Variants in PAM observed in about 807,000 individuals in gnomAD.
The protein encoded by PAM is peptidylglycine alpha-amidating monooxygenase, also known as peptidyl-glycine alpha-amidating monooxygenase.
A neutral mutation model predicts 122.1 loss-of-function variants in PAM; 72 were observed. That is an observed-to-expected ratio of 0.59 (90% CI 0.49 to 0.72). PAM has a LOEUF of 0.72. PAM is among the 30% of genes least tolerant of loss of function. PAM has a pLI of 0.00. For missense variants in PAM, 1,106 were observed against 1,183.7 expected (o/e 0.93, Z 0.96); for synonymous variants, 389 against 404.4 (o/e 0.96, Z 0.46).
At chr5:102,858,619 A>G (rs929067189) in intron 1 of PAM, among the ~76,000 whole-genome samples, 3 of 152,248 alleles carry the variant, frequency 2.0e-5, no homozygotes, top group South Asian at 4.1e-4. Flanking sequence ...AGCAGTTAAC[A>G]TGTAAATTGA....
chr5:102,836,553 G>C (rs1777089021), intron 1 of PAM, among the ~76,000 whole-genome samples: 1 of 152,068 alleles, frequency 6.6e-6, no homozygotes, highest in Admixed American at 6.6e-5. Flanking sequence ...TGAACTTTTT[G>C]GTAGGGAATG....
At chr5:102,823,503 G>T (rs1415883763) in intron 1 of PAM, among the ~76,000 whole-genome samples, 6 of 152,132 alleles carry the variant, frequency 3.9e-5, no homozygotes, top group African/African-American at 2.4e-5. Flanking sequence ...AGACATGAAA[G>T]ACTGAATAAC....
chr5:102,890,730 A>G (rs570530926), intron 3 of PAM, among the ~76,000 whole-genome samples: 13 of 152,066 alleles, frequency 8.5e-5, no homozygotes, highest in African/African-American at 3.1e-4. Context: ...AAAGCATTGT[A>G]ATTTTGTTGT....
At chr5:102,894,118 G>A (rs1795506356) in intron 3 of PAM, among the ~76,000 whole-genome samples, 1 of 151,386 alleles carries the variant, frequency 6.6e-6, no homozygotes, top group African/African-American at 2.4e-5. Context: ...CAGCACTAGA[G>A]ATCCTGGGGG....
At chr5:102,799,907 G>A (rs2071344310) in intron 1 of PAM, among the ~76,000 whole-genome samples, 1 of 152,202 alleles carries the variant, frequency 6.6e-6, no homozygotes, top group Non-Finnish European at 1.5e-5. Context: ...TGAGGATGGA[G>A]AGATTGGTTA....
At position 102,919,258 on chromosome 5, in the gene PAM, T is replaced by TTA. The variant is rs138385927; in HGVS notation, c.356+5251_356+5252dup. Among the ~76,000 whole-genome samples the TTA allele has an allele frequency of 7.6e-3, 1,145 of 150,502 alleles. 11 individuals carry two copies. Among genetic ancestry groups the TTA allele is most frequent in the African/African-American group, 0.024 (991 of 41,216 alleles). ...ATGAGAAGAAAAAGGAGATAAAACATTATATATATATATATGCCTGTATGA... is the reference window on the plus strand; with the variant it reads ...ATGAGAAGAAAAAGGAGATAAAACATTATATATATATATATATGCCTGTATGA... On this transcript the variant is annotated intron_variant, in intron 5 of 25. Transcript: ENST00000438793.
intron 1 of PAM, among the ~76,000 whole-genome samples, chr5:102,855,917 C>A (rs1782510162): frequency 6.6e-6 from 1 of 151,992 alleles, no homozygotes; most frequent in African/African-American, 2.4e-5. Context: ...CAAAGACCCA[C>A]AAAAGAAGCA....
At chr5:102,992,841 G>A (rs1219461285) in intron 16 of PAM, among the ~76,000 whole-genome samples, 1 of 151,928 alleles carries the variant, frequency 6.6e-6, no homozygotes, top group Non-Finnish European at 1.5e-5. Context: ...ATAAGACCAG[G>A]GCATATTCTA....
At chr5:102,793,195 A>C (rs927653415) in intron 1 of PAM, among the ~76,000 whole-genome samples, 3 of 152,120 alleles carry the variant, frequency 2.0e-5, no homozygotes, top group Middle Eastern at 3.2e-3. Context: ...ATTAAGTCCA[A>C]AGTGCCTAGG....
intron 3 of PAM, among the ~76,000 whole-genome samples, chr5:102,881,844 T>C (rs1561745886): frequency 1.3e-5 from 2 of 151,136 alleles, no homozygotes; most frequent in Admixed American, 6.6e-5. Context: ...CTCATCTCCT[T>C]CCCACCTTTT....
intron 23 of PAM, among the ~76,000 whole-genome samples, chr5:103,021,876 C>A (rs1783651563): frequency 6.6e-6 from 1 of 152,012 alleles, no homozygotes; most frequent in Non-Finnish European, 1.5e-5. Context: ...AATTTTTAAT[C>A]CCCAAATTTG....
intron 12 of PAM, among the ~76,000 whole-genome samples, chr5:102,953,353 A>T (rs1759590461): frequency 6.6e-6 from 1 of 152,220 alleles, no homozygotes; most frequent in African/African-American, 2.4e-5. Flanking sequence ...TTACATACAC[A>T]TGATGGAATA....
chr5:102,952,422 G>A (rs1759252058), intron 12 of PAM, among the ~76,000 whole-genome samples: 2 of 151,932 alleles, frequency 1.3e-5, no homozygotes, highest in Non-Finnish European at 2.9e-5. Flanking sequence ...ACCCTAAAAT[G>A]ACTACACTAA....
chr5:102,777,213 A>C (rs192741976), intron 1 of PAM, among the ~76,000 whole-genome samples: 1 of 152,168 alleles, frequency 6.6e-6, no homozygotes, highest in Non-Finnish European at 1.5e-5. Flanking sequence ...TCTAGAGAGA[A>C]AGGGGAGTTT....
At chr5:103,017,547 A>G in intron 22 of PAM, 114 bp downstream of exon 22, 1 of 722,938 alleles carries the variant, frequency 1.4e-6, no homozygotes, top group Non-Finnish European at 2.4e-6. Flanking sequence ...AGTAGGAATC[A>G]AAGTATAAAG....
chr5:102,948,568 CA>C (rs1291303597), intron 9 of PAM, 123 bp downstream of exon 9: 3 of 587,736 alleles, frequency 5.1e-6, no homozygotes, highest in Non-Finnish European at 9.2e-6. Context: ...AAAAATGAAC[CA>C]ATACTTTATT....
chr5:102,885,015 G>A (rs1315476358), intron 3 of PAM, among the ~76,000 whole-genome samples: 1 of 151,280 alleles, frequency 6.6e-6, no homozygotes, highest in African/African-American at 2.4e-5. Context: ...CTGAGAGATT[G>A]GAGTATTTCC....
chr5:102,834,401 G>T (rs1005604721), intron 1 of PAM, among the ~76,000 whole-genome samples: 2 of 152,110 alleles, frequency 1.3e-5, no homozygotes, highest in African/African-American at 4.8e-5. Context: ...GGTACTGGTG[G>T]TACAGAGAAG....
intron 7 of PAM, among the ~76,000 whole-genome samples, chr5:102,928,486 G>C (rs902241125): frequency 1.3e-5 from 2 of 151,996 alleles, no homozygotes; most frequent in Admixed American, 6.6e-5. Flanking sequence ...TTTTCTAAAA[G>C]ATATATGGGG....
Sources: allele counts gnomAD v4.1 joint callset (sites outside exome capture counted in the v4.1 genomes callset), GRCh38; gene constraint gnomAD v4.1.1; transcripts MANE v1.5; gene names NCBI Gene and HGNC (gene_info 2026-07-23, HGNC 2026-07-21).